Variants in PIGK observed in about 807,000 individuals in gnomAD.
The protein encoded by PIGK is GPI-anchor transamidase.
A neutral mutation model predicts 50.6 loss-of-function variants in PIGK; 42 were observed. The ratio of observed to expected loss-of-function variants is 0.83; its 90% CI spans 0.65 to 1.07. The LOEUF (loss-of-function observed/expected upper bound fraction) is 1.07. PIGK is among the 50% of genes least tolerant of loss of function. The pLI is 0.00. For missense variants in PIGK, 448 were observed against 488.7 expected, an observed-to-expected ratio of 0.92 and a Z score of 0.78; for synonymous variants, 151 against 156.0, an observed-to-expected ratio of 0.97 and a Z score of 0.24.
intron 9 of PIGK, among the ~76,000 whole-genome samples, chr1:77,124,560 G>C (rs1026275094): frequency 1.3e-5 from 2 of 151,166 alleles, no homozygotes; most frequent in Non-Finnish European, 2.9e-5. Context: ...AGTGAGCCAA[G>C]ACTGCGCCAC....
chr1:77,116,246 C>A (rs1011137922), intron 10 of PIGK, among the ~76,000 whole-genome samples: 1 of 151,904 alleles, frequency 6.6e-6, no homozygotes, highest in Non-Finnish European at 1.5e-5. Context: ...AGCAGTGGCA[C>A]GATCTCGGCT....
chr1:77,142,624 A>C (rs1041233323), intron 9 of PIGK, among the ~76,000 whole-genome samples: 16 of 152,172 alleles, frequency 1.1e-4, no homozygotes, highest in African/African-American at 3.9e-4. Context: ...ACATGGCAGA[A>C]GGCAAAGGGG....
At position 77,155,182 on chromosome 1, in the gene PIGK, T is replaced by C. The variant is rs574594181; in HGVS notation, c.814-561A>G. On this transcript the variant is annotated intron_variant, in intron 8 of 10. Coordinates refer to ENST00000370812, the MANE Select transcript of PIGK (RefSeq NM_005482.3). The stretch of plus-strand genomic sequence containing the variant: ...TGTTGTACTCCTATGTAGCATTTTA[T>C]ATATCAAAGCACTTTCTTAGTTTAT... Among the ~76,000 whole-genome samples, 3 of 152,336 alleles carry C rather than the reference T, an allele frequency of 2.0e-5. No individual in the cohort carries two copies. The South Asian group carries it at 6.2e-4, about 32-fold the overall frequency.
intron 3 of PIGK, among the ~76,000 whole-genome samples, chr1:77,173,952 C>T (rs1459108373): frequency 6.6e-6 from 1 of 152,234 alleles, no homozygotes; most frequent in East Asian, 1.9e-4. Context: ...CATGTCATAG[C>T]TAGCTCCGAA....
At chr1:77,106,617 G>A (rs1032113372) in intron 10 of PIGK, among the ~76,000 whole-genome samples, 1 of 151,588 alleles carries the variant, frequency 6.6e-6, no homozygotes. Flanking sequence ...ATGGATAAAG[G>A]CCCTCTATGT....
intron 10 of PIGK, among the ~76,000 whole-genome samples, chr1:77,120,141 G>C: frequency 6.6e-6 from 1 of 152,150 alleles, no homozygotes; most frequent in Non-Finnish European, 1.5e-5. Flanking sequence ...TTTAGATATA[G>C]ATCAAAAAGC....
chr1:77,186,206 A>G (rs2100572405), intron 3 of PIGK, among the ~76,000 whole-genome samples: 1 of 152,256 alleles, frequency 6.6e-6, no homozygotes, highest in South Asian at 2.1e-4. Flanking sequence ...GTTCCCTATG[A>G]TCAGCTGATG....
intron 9 of PIGK, chr1:77,129,213 C>G: frequency 6.3e-7 from 1 of 1,595,338 alleles, no homozygotes; most frequent in Non-Finnish European, 8.6e-7. Flanking sequence ...TGAAACTGCT[C>G]AGGCCATCAA....
intron 3 of PIGK, among the ~76,000 whole-genome samples, chr1:77,184,569 T>C (rs550048122): frequency 2.6e-5 from 4 of 152,306 alleles, no homozygotes; most frequent in South Asian, 2.1e-4. Context: ...TGAGCTAACA[T>C]TGATTCCAAG....
intron 3 of PIGK, among the ~76,000 whole-genome samples, chr1:77,191,042 T>C (rs1301202212): frequency 1.3e-5 from 2 of 152,220 alleles, no homozygotes; most frequent in African/African-American, 4.8e-5. Context: ...CTTCCTGTTT[T>C]CCATTGCTTA....
intron 10 of PIGK, among the ~76,000 whole-genome samples, chr1:77,110,623 A>G (rs1557794526): frequency 6.6e-6 from 1 of 152,222 alleles, no homozygotes; most frequent in African/African-American, 2.4e-5. Context: ...GATGGATTAA[A>G]GACTTACATG....
intron 10 of PIGK, among the ~76,000 whole-genome samples, chr1:77,106,140 T>C (rs1161335977): frequency 6.6e-6 from 1 of 152,214 alleles, no homozygotes; most frequent in African/African-American, 2.4e-5. Flanking sequence ...AAACAGTTAA[T>C]GGGACAAGTT....
intron 8 of PIGK, among the ~76,000 whole-genome samples, chr1:77,159,659 C>A (rs923789352): frequency 2.6e-5 from 4 of 152,202 alleles, no homozygotes; most frequent in Non-Finnish European, 2.9e-5. Flanking sequence ...CAAAGGAGAT[C>A]ATTTTGGAAC....
intron 3 of PIGK, among the ~76,000 whole-genome samples, chr1:77,185,022 A>G (rs1250317319): frequency 6.6e-6 from 1 of 152,204 alleles, no homozygotes; most frequent in East Asian, 1.9e-4. Context: ...GCAGATTATC[A>G]TAAACTTAAC....
At chr1:77,195,864 T>G (rs1352165459) in intron 3 of PIGK, among the ~76,000 whole-genome samples, 1 of 152,168 alleles carries the variant, frequency 6.6e-6, no homozygotes, top group Non-Finnish European at 1.5e-5. Context: ...AGGGGGTACA[T>G]ATGCAGGTTT....
chr1:77,105,824 C>T (rs184739340), intron 10 of PIGK, among the ~76,000 whole-genome samples: 1 of 152,198 alleles, frequency 6.6e-6, no homozygotes, highest in East Asian at 1.9e-4. Flanking sequence ...GCCCACAGGC[C>T]TAAAATATTT....
At chr1:77,103,825 A>T (rs1329426932) in intron 10 of PIGK, among the ~76,000 whole-genome samples, 1 of 152,180 alleles carries the variant, frequency 6.6e-6, no homozygotes, top group Non-Finnish European at 1.5e-5. Context: ...GCAGAGTTCT[A>T]TTCTATGCAT....
chr1:77,145,172 G>C (rs937642587), intron 9 of PIGK, among the ~76,000 whole-genome samples: 3 of 151,860 alleles, frequency 2.0e-5, no homozygotes, highest in Non-Finnish European at 4.4e-5. Context: ...TGTTACTATT[G>C]AATATGTAAA....
Position 77,091,400 on chromosome 1 carries a change from G to T in PIGK, c.*974C>A, listed in dbSNP as rs1480641008. ...CCATAAGCATACATTTTCTTCACAG[G>T]TCCATCCACTTTATGGGATTTTTCT... is the stretch of plus-strand genomic sequence containing the variant. On this transcript the variant is annotated 3_prime_UTR_variant, in exon 11 of 11. Transcript: ENST00000370812. 3.9e-5 allele frequency: 6 copies of T among 152,164 alleles called. No individual in the cohort carries two copies. The highest frequency in any genetic ancestry group is 7.4e-5 in the Non-Finnish European group (5 of 68,018). The allele number at this position is 152,164 out of a possible 1,614,324, so 9.4% of individuals were successfully genotyped here.
Sources: gnomAD v4.1 joint callset for allele counts (sites outside exome capture counted in the v4.1 genomes callset) on GRCh38, gnomAD v4.1.1 for gene constraint, MANE v1.5 for transcripts, NCBI Gene and HGNC (gene_info 2026-07-23, HGNC 2026-07-21) for gene names.